LHFPL2: variants seen among roughly 807,000 people sequenced by gnomAD.
LHFPL2 encodes LHFPL tetraspan subfamily member 2.
A neutral mutation model predicts 17.5 loss-of-function variants in LHFPL2; 7 were observed. That is an observed-to-expected ratio of 0.40 (90% CI 0.23 to 0.75). LHFPL2 has a LOEUF of 0.75. Ranked by LOEUF, LHFPL2 falls within the 30% of genes least tolerant of loss-of-function variation. The probability of loss-of-function intolerance (pLI) is 0.37; values close to 1 mark genes in which losing one functional copy is unlikely to be tolerated. For synonymous variants in LHFPL2, 134 were observed against 116.2 expected (o/e 1.15, Z -0.99); for missense variants, 241 against 294.8 (o/e 0.82, Z 1.34).
At position 78,525,502 on chromosome 5, in the gene LHFPL2, A is replaced by G. The variant is rs551923288; in HGVS notation, c.-185-15104T>C. On this transcript the variant is annotated intron_variant, in intron 3 of 4. Coordinates refer to ENST00000380345, the MANE Select transcript of LHFPL2 (RefSeq NM_005779.3). Reference sequence around the variant, plus strand: ...TTCATGGGGTCATTAATAAGAACGAATGCCCACACAGCTCACATCTAAGCA... The same window carrying G: ...TTCATGGGGTCATTAATAAGAACGAGTGCCCACACAGCTCACATCTAAGCA... Among the ~76,000 whole-genome samples the G allele has an allele frequency of 9.2e-5, 14 of 152,300 alleles. No individual in the cohort carries two copies. The East Asian group carries it at 2.1e-3, about 23-fold the overall frequency.
At chr5:78,505,349 T>G (rs1246450913) in intron 4 of LHFPL2, among the ~76,000 whole-genome samples, 1 of 152,176 alleles carries the variant, frequency 6.6e-6, no homozygotes, top group Non-Finnish European at 1.5e-5. Flanking sequence ...TCATGAAGAC[T>G]AATCAACCTG....
At chr5:78,503,535 A>G (rs1754837270) in intron 4 of LHFPL2, among the ~76,000 whole-genome samples, 1 of 152,194 alleles carries the variant, frequency 6.6e-6, no homozygotes. Context: ...CGTCTCTACT[A>G]AAAATACCAA....
At chr5:78,513,562 T>C (rs1459406187) in intron 3 of LHFPL2, among the ~76,000 whole-genome samples, 1 of 152,190 alleles carries the variant, frequency 6.6e-6, no homozygotes, top group African/African-American at 2.4e-5. Context: ...TGATATGGTT[T>C]AGCTGTGTCC....
At chr5:78,532,842 C>T (rs1307487195) in intron 3 of LHFPL2, among the ~76,000 whole-genome samples, 1 of 152,118 alleles carries the variant, frequency 6.6e-6, no homozygotes, top group East Asian at 1.9e-4. Context: ...CAAGTAATGT[C>T]AGAGGCAAAA....
rs146694289 is a variant in LHFPL2, at chr5:78,514,277, T to C, written c.-185-3879A>G. Reference sequence around the variant, plus strand: ...GACCTTACTATCACATCCCAGGTGATTGTGGATCATCTAGACAGCCCTCTG... The same window carrying C: ...GACCTTACTATCACATCCCAGGTGACTGTGGATCATCTAGACAGCCCTCTG... On this transcript the variant is annotated intron_variant, in intron 3 of 4. Coordinates refer to ENST00000380345, the MANE Select transcript of LHFPL2 (RefSeq NM_005779.3). Among the ~76,000 whole-genome samples, 1,332 of 152,142 alleles carry C rather than the reference T, an allele frequency of 8.8e-3. 10 individuals carry two copies. Among genetic ancestry groups the C allele is most frequent in the Middle Eastern group, 0.02 (6 of 294 alleles).
At chr5:78,603,194 G>C (rs1744085413) in intron 2 of LHFPL2, among the ~76,000 whole-genome samples, 1 of 152,034 alleles carries the variant, frequency 6.6e-6, no homozygotes, top group Non-Finnish European at 1.5e-5. Context: ...ACCTAGCCGA[G>C]GTAGGTATTA....
chr5:78,489,644 C>T (rs189806483), intron 4 of LHFPL2, among the ~76,000 whole-genome samples: 6 of 152,336 alleles, frequency 3.9e-5, no homozygotes, highest in African/African-American at 1.2e-4. Context: ...GTGATCCTCC[C>T]ACCTCGGCCT....
chr5:78,628,431 C>G lies in LHFPL2; in HGVS notation c.-245+3833G>C, dbSNP rs143043813. 8.5e-3 allele frequency among the ~76,000 whole-genome samples: 1,288 copies of G among 152,306 alleles called. 14 individuals carry two copies. Among genetic ancestry groups the G allele is most frequent in the Non-Finnish European group, 0.012 (797 of 68,024 alleles). ...CTCCAGAGAGAATGTCTCCTTCCCC[C>G]AGGGTGGGGTCACAATCAGTTCAAT... On this transcript the variant is annotated intron_variant, in intron 2 of 4. Coordinates refer to ENST00000380345, the MANE Select transcript of LHFPL2 (RefSeq NM_005779.3).
At chr5:78,543,162 T>C (rs1254097462) in intron 3 of LHFPL2, among the ~76,000 whole-genome samples, 1 of 152,088 alleles carries the variant, frequency 6.6e-6, no homozygotes, top group Non-Finnish European at 1.5e-5. Context: ...GCACACCTGG[T>C]CCAACCAATC....
intron 3 of LHFPL2, among the ~76,000 whole-genome samples, chr5:78,536,651 A>G (rs572096706): frequency 3.3e-5 from 5 of 152,344 alleles, no homozygotes; most frequent in Admixed American, 3.3e-4. Flanking sequence ...GGACAGTCTC[A>G]GTTATTCATC....
intron 2 of LHFPL2, among the ~76,000 whole-genome samples, chr5:78,602,436 T>C (rs1744052322): frequency 6.6e-6 from 1 of 152,222 alleles, no homozygotes; most frequent in South Asian, 2.1e-4. Context: ...TTCTCAAATT[T>C]TCCATTCTTT....
At chr5:78,531,158 ATAATCCCAGCACTT>A (rs1157641320) in intron 3 of LHFPL2, among the ~76,000 whole-genome samples, 3 of 152,014 alleles carry the variant, frequency 2.0e-5, no homozygotes, top group Non-Finnish European at 4.4e-5. Flanking sequence ...GCTCACGCCT[ATAATCCCAGCACTT>A]TGGGAGGCTG....
At chr5:78,642,642 C>T (rs987292717) in intron 1 of LHFPL2, among the ~76,000 whole-genome samples, 8 of 152,116 alleles carry the variant, frequency 5.3e-5, no homozygotes, top group African/African-American at 1.4e-4. Context: ...TTGCCACTAC[C>T]GTAAAAAGAA....
At position 78,522,087 on chromosome 5, in the gene LHFPL2, C is replaced by T. The variant is rs977459025; in HGVS notation, c.-185-11689G>A. Among the ~76,000 whole-genome samples the T allele has an allele frequency of 2.6e-5, 4 of 152,098 alleles. No individual in the cohort carries two copies. The East Asian group carries it at 7.7e-4, about 29-fold the overall frequency. ...TATTTGCTTTTTCCTCTCTTCTCAC[C>T]AAAACTCATGCTTCTTGAAAATAAT... On this transcript the variant is annotated intron_variant, in intron 3 of 4. Transcript: ENST00000380345.
At chr5:78,504,410 T>A (rs1754871717) in intron 4 of LHFPL2, among the ~76,000 whole-genome samples, 1 of 152,128 alleles carries the variant, frequency 6.6e-6, no homozygotes, top group Non-Finnish European at 1.5e-5. Context: ...CTGATTTCTC[T>A]CCTCTCAGTG....
At chr5:78,587,590 A>G (rs147035953) in intron 2 of LHFPL2, among the ~76,000 whole-genome samples, 1 of 152,348 alleles carries the variant, frequency 6.6e-6, no homozygotes, top group Non-Finnish European at 1.5e-5. Flanking sequence ...AGCCTTTGGA[A>G]ATCTTATGAA....
In LHFPL2 at chr5:78,486,798, G is replaced by T. The variant is rs1178899117; in HGVS notation, c.*2099C>A. 1 of 152,172 alleles carries T rather than the reference G, an allele frequency of 6.6e-6. No individual in the cohort carries two copies. Among genetic ancestry groups the T allele is most frequent in the African/African-American group, 2.4e-5 (1 of 41,432 alleles). The allele number at this position is 152,172 out of a possible 1,614,324, so 9.4% of individuals were successfully genotyped here. A position where few individuals can be genotyped will look rare whatever the true frequency, so the allele number is the denominator to read the frequency against. ...AGAGCAGGTGATGGACATGCTCGGA[G>T]GATCCTGTGAGCTTAGGACTTAACT... On this transcript the variant is annotated 3_prime_UTR_variant, in exon 5 of 5. Transcript: ENST00000380345.
At chr5:78,628,094 C>G (rs1270633704) in intron 2 of LHFPL2, among the ~76,000 whole-genome samples, 2 of 152,140 alleles carry the variant, frequency 1.3e-5, no homozygotes, top group Non-Finnish European at 2.9e-5. Context: ...CCCGGCCCCT[C>G]CCTTGGCACA....
At chr5:78,618,768 T>C (rs967997464) in intron 2 of LHFPL2, among the ~76,000 whole-genome samples, 3 of 152,180 alleles carry the variant, frequency 2.0e-5, no homozygotes, top group African/African-American at 7.2e-5. Context: ...TTTCCAGCCA[T>C]ACCGTATATA....
Sources: gnomAD v4.1 joint callset for allele counts (sites outside exome capture counted in the v4.1 genomes callset) on GRCh38, gnomAD v4.1.1 for gene constraint, MANE v1.5 for transcripts, NCBI Gene and HGNC (gene_info 2026-07-23, HGNC 2026-07-21) for gene names.